BACH2: variants seen among roughly 807,000 people sequenced by gnomAD.
The protein encoded by BACH2 is BACH transcriptional regulator 2.
In BACH2, 5 loss-of-function variants were observed where a neutral mutation model predicts 61.8. The observed-to-expected ratio is 0.08, with a 90% CI of 0.04 to 0.17. The LOEUF (loss-of-function observed/expected upper bound fraction) is 0.17, where lower values mean the gene tolerates loss of function less well. Among genes scored for constraint, BACH2 ranks in the 10% least tolerant of loss-of-function variants. The pLI, the probability that BACH2 is intolerant of heterozygous loss-of-function variation, is 1.00. For synonymous variants in BACH2, 446 were observed against 440.1 expected, an observed-to-expected ratio of 1.01 and a Z score of -0.17; for missense variants, 824 against 1,091.1, an observed-to-expected ratio of 0.76 and a Z score of 3.45.
At position 90,008,894 on chromosome 6, in the gene BACH2, A is replaced by C; in HGVS notation, c.-12-38T>G. 6.2e-7 allele frequency: 1 copy of C among 1,602,836 alleles called. No individual in the cohort carries two copies. Among genetic ancestry groups the C allele is most frequent in the East Asian group, 2.3e-5 (1 of 44,354 alleles). ...AAGAAACAAAGAAAGAAAGAAAGAA[A>C]GGCTGAGTCACCACAGCTGTAGGAT... On this transcript the variant is annotated intron_variant, in intron 5 of 8. Transcript: ENST00000257749. This position sits in a 1 kb window ranked among gnomAD's most constrained non-coding sequence, Gnocchi z 4.1.
intron 3 of BACH2, among the ~76,000 whole-genome samples, chr6:90,223,233 A>G (rs1769799914): frequency 6.6e-6 from 1 of 152,188 alleles, no homozygotes; most frequent in Non-Finnish European, 1.5e-5. Flanking sequence ...TACCCACCAC[A>G]TGTTAGGCAA....
At chr6:89,967,884 A>C (rs1265283810) in intron 6 of BACH2, among the ~76,000 whole-genome samples, 1 of 152,120 alleles carries the variant, frequency 6.6e-6, no homozygotes, top group Non-Finnish European at 1.5e-5. Flanking sequence ...AGAGTCTCTG[A>C]GTTAATGCTT....
At chr6:90,142,589 C>T (rs747066644) in intron 4 of BACH2, among the ~76,000 whole-genome samples, 4 of 152,080 alleles carry the variant, frequency 2.6e-5, no homozygotes, top group Non-Finnish European at 4.4e-5. Flanking sequence ...CTGAGACTTA[C>T]AGGGAGTTGA....
intron 1 of BACH2, among the ~76,000 whole-genome samples, chr6:90,283,460 C>G (rs1470632409): frequency 1.3e-5 from 2 of 151,768 alleles, no homozygotes; most frequent in Non-Finnish European, 2.9e-5. Context: ...ACTGCAAGCT[C>G]TGTTTCCTGG....
chr6:89,960,719 C>G (rs562302248), intron 6 of BACH2, among the ~76,000 whole-genome samples: 1 of 152,222 alleles, frequency 6.6e-6, no homozygotes, highest in African/African-American at 2.4e-5. Flanking sequence ...AAGTATTGGT[C>G]CTTAGAATCT....
intron 6 of BACH2, among the ~76,000 whole-genome samples, chr6:89,985,167 C>T (rs979627577): frequency 2.0e-4 from 30 of 152,324 alleles, no homozygotes; most frequent in African/African-American, 6.7e-4. Context: ...TCAACAACAG[C>T]AGTGGCAGCA....
At chr6:90,296,059 GC>G (rs1772361523) in intron 1 of BACH2, among the ~76,000 whole-genome samples, 1 of 152,046 alleles carries the variant, frequency 6.6e-6, no homozygotes, top group African/African-American at 2.4e-5. Context: ...GCCTCGCCGG[GC>G]CGGGGGCAGG....
chr6:89,969,303 T>C (rs937783169), intron 6 of BACH2, among the ~76,000 whole-genome samples: 2 of 152,102 alleles, frequency 1.3e-5, no homozygotes, highest in African/African-American at 4.8e-5. Context: ...GATCCGCCCA[T>C]CTCGGCCTCC....
At position 89,950,927 on chromosome 6, in the gene BACH2, T is replaced by A. The variant is rs1774055377; in HGVS notation, c.1179A>T (p.Gly393=). Residue 393 remains glycine, a synonymous_variant, in exon 7 of 9, where the codon GGA becomes GGT. Transcript: ENST00000257749. This position sits in a 1 kb window ranked among gnomAD's most constrained non-coding sequence, Gnocchi z 5.3. The part of the protein sequence containing the change: ...TDYTPFTGNY[G]QPHVGQKEVS... Reference sequence around the variant, plus strand: ...CCTCCTTCTGGCCCACGTGGGGCTGTCCATAATTCCCTGTGAAAGGGGTGT... The same window carrying A: ...CCTCCTTCTGGCCCACGTGGGGCTGACCATAATTCCCTGTGAAAGGGGTGT... The A allele has an allele frequency of 6.3e-7, 1 of 1,577,892 alleles. No individual in the cohort carries two copies. Among genetic ancestry groups the A allele is most frequent in the African/African-American group, 1.4e-5 (1 of 73,972 alleles).
At chr6:89,945,283 T>A (rs1773658831) in intron 7 of BACH2, among the ~76,000 whole-genome samples, 1 of 152,146 alleles carries the variant, frequency 6.6e-6, no homozygotes, top group African/African-American at 2.4e-5. Context: ...CCTCAACCAA[T>A]GAACAACAAA....
intron 3 of BACH2, among the ~76,000 whole-genome samples, chr6:90,225,173 C>A (rs1264164986): frequency 6.6e-6 from 1 of 152,060 alleles, no homozygotes; most frequent in African/African-American, 2.4e-5. Flanking sequence ...TCACTTGAGC[C>A]CAGGAGTTCA....
chr6:90,127,271 C>T (rs912290085), intron 4 of BACH2, among the ~76,000 whole-genome samples: 67 of 123,224 alleles, frequency 5.4e-4, no homozygotes, highest in Admixed American at 4.7e-3. Context: ...AAGGATTTCC[C>T]GCTCCGCTCC....
intron 4 of BACH2, among the ~76,000 whole-genome samples, chr6:90,131,742 A>G (rs1484402106): frequency 6.6e-6 from 1 of 152,228 alleles, no homozygotes; most frequent in African/African-American, 2.4e-5. Flanking sequence ...AAAATACAGC[A>G]TTTCAATTTT....
chr6:90,168,840 C>CTAAAATG (rs1343363838), intron 4 of BACH2, among the ~76,000 whole-genome samples: 5 of 152,322 alleles, frequency 3.3e-5, no homozygotes, highest in African/African-American at 1.2e-4. Flanking sequence ...CTGGACACCA[C>CTAAAATG]TACCTTATTT....
Position 89,932,107 on chromosome 6 carries a change from G to A in BACH2, c.*301C>T. 4.0e-6 allele frequency: 1 copy of A among 253,162 alleles called. No homozygotes were observed. Among genetic ancestry groups the A allele is most frequent in the South Asian group, 1.1e-4 (1 of 9,132 alleles). 15.7% of individuals were successfully genotyped at this position (253,162 alleles called of 1,614,324 possible). ...GGGCCACTGAGAAAAAAAATCCGTG[G>A]TTGGGGCCTAGAGGTGTTGTAGTCT... On this transcript the variant is annotated 3_prime_UTR_variant, in exon 9 of 9. Transcript: ENST00000257749.
At chr6:90,170,572 A>G (rs1767778950) in intron 4 of BACH2, among the ~76,000 whole-genome samples, 1 of 152,234 alleles carries the variant, frequency 6.6e-6, no homozygotes. Flanking sequence ...CAAAGAAAAA[A>G]AGACAAAATC....
intron 5 of BACH2, among the ~76,000 whole-genome samples, chr6:90,043,782 T>C (rs575616661): frequency 2.6e-5 from 4 of 152,272 alleles, no homozygotes; most frequent in South Asian, 2.1e-4. Flanking sequence ...GTCAGCTCCT[T>C]TGGTTACCTT....
At chr6:90,275,312 G>C (rs1278616695) in intron 1 of BACH2, among the ~76,000 whole-genome samples, 2 of 152,066 alleles carry the variant, frequency 1.3e-5, no homozygotes, top group African/African-American at 4.8e-5. Flanking sequence ...GAACATACCT[G>C]CTCTTCAAAT....
chr6:89,943,271 C>T (rs1236261923), intron 7 of BACH2, among the ~76,000 whole-genome samples: 4 of 152,104 alleles, frequency 2.6e-5, no homozygotes, highest in African/African-American at 4.8e-5. Flanking sequence ...GTAGGCTGGG[C>T]CCTGGAATGC....
Sources: gnomAD v4.1 joint callset for allele counts (sites outside exome capture counted in the v4.1 genomes callset) on GRCh38, gnomAD v4.1.1 for gene constraint, Gnocchi (gnomAD v3.1) non-coding constraint, MANE v1.5 for transcripts, NCBI Gene and HGNC (gene_info 2026-07-23, HGNC 2026-07-21) for gene names.